UNC5D: variants seen among roughly 807,000 people sequenced by gnomAD.
The protein encoded by UNC5D is unc-5 netrin receptor D.
Under a neutral mutation model 105.4 loss-of-function variants are expected in UNC5D, and 39 were observed. That is an observed-to-expected ratio of 0.37 (90% CI 0.29 to 0.48). The LOEUF is 0.48. Ranked by LOEUF, UNC5D falls within the 20% of genes least tolerant of loss-of-function variation. The pLI is 0.98. For synonymous variants in UNC5D, 452 were observed against 450.4 expected, an observed-to-expected ratio of 1.00 and a Z score of -0.04; for missense variants, 991 against 1,202.4, an observed-to-expected ratio of 0.82 and a Z score of 2.60.
intron 1 of UNC5D, among the ~76,000 whole-genome samples, chr8:35,472,045 G>A (rs1468186650): frequency 6.6e-6 from 1 of 152,180 alleles, no homozygotes; most frequent in African/African-American, 2.4e-5. Context: ...AGAACAAACT[G>A]AAAGGGACAC....
At chr8:35,539,911 T>C (rs1268821837) in intron 1 of UNC5D, among the ~76,000 whole-genome samples, 1 of 152,220 alleles carries the variant, frequency 6.6e-6, no homozygotes, top group Non-Finnish European at 1.5e-5. Flanking sequence ...ACTTGCTGTA[T>C]TAGTGTGCAG....
chr8:35,722,498 C>A, intron 9 of UNC5D, 103 bp downstream of exon 9: 1 of 1,405,576 alleles, frequency 7.1e-7, no homozygotes, highest in Non-Finnish European at 9.4e-7. Flanking sequence ...TAGCTCTTGG[C>A]ACTGGGAGCC....
chr8:35,299,043 A>G (rs558883086), intron 1 of UNC5D, among the ~76,000 whole-genome samples: 1 of 152,308 alleles, frequency 6.6e-6, no homozygotes, highest in East Asian at 1.9e-4. Context: ...GGAGTCAGAT[A>G]TGCCTGGTGC....
At chr8:35,746,715 G>A (rs1169156266) in intron 11 of UNC5D, among the ~76,000 whole-genome samples, 3 of 152,070 alleles carry the variant, frequency 2.0e-5, no homozygotes, top group South Asian at 4.1e-4. Context: ...ATTCCCATAT[G>A]TTTGAACAAT....
chr8:35,520,700 G>A (rs1231158561), intron 1 of UNC5D, among the ~76,000 whole-genome samples: 1 of 151,924 alleles, frequency 6.6e-6, no homozygotes, highest in Non-Finnish European at 1.5e-5. Context: ...ATAAAACCAT[G>A]AACATATAAA....
intron 16 of UNC5D, among the ~76,000 whole-genome samples, chr8:35,782,562 G>A (rs1253360485): frequency 6.8e-6 from 1 of 146,264 alleles, no homozygotes; most frequent in African/African-American, 2.6e-5. Context: ...GGAGTGCAAT[G>A]GCACCATCTA....
chr8:35,238,902 A>G (rs376197364), intron 1 of UNC5D, among the ~76,000 whole-genome samples: 21 of 152,252 alleles, frequency 1.4e-4, no homozygotes, highest in African/African-American at 4.6e-4. Flanking sequence ...AGTCATTTCT[A>G]CCTTAATGAA....
rs557366855 is a variant in UNC5D at position 35,596,448 on chromosome 8, A to G, written c.570+791A>G. On this transcript the variant is annotated intron_variant, in intron 4 of 16. Transcript: ENST00000404895. ...GCTTAATATAATGAAAAGTTTATAA[A>G]TTTAGGCCCGTGAAGCCCGAAAATT... Among the ~76,000 whole-genome samples the G allele has an allele frequency of 4.3e-4, 66 of 152,304 alleles. 1 individual carries two copies. The highest frequency in any genetic ancestry group is 1.4e-3 in the African/African-American group (57 of 41,570).
At position 35,735,681 on chromosome 8, in the gene UNC5D, A is replaced by C. The variant is rs530594634; in HGVS notation, c.1766+4585A>C. ...CAAAAAGAATCTAGCTCTGGAAAAT[A>C]GAGAAGAAAGGATAGAATTTCATTC... On this transcript the variant is annotated intron_variant, in intron 11 of 16. Transcript: ENST00000404895. 2.6e-5 allele frequency among the ~76,000 whole-genome samples: 4 copies of C among 152,380 alleles called. No homozygotes were observed. The East Asian group carries it at 7.7e-4, about 29-fold the overall frequency.
chr8:35,571,399 CAAGT>C (rs1189935935), intron 3 of UNC5D, among the ~76,000 whole-genome samples: 2 of 152,124 alleles, frequency 1.3e-5, no homozygotes, highest in Non-Finnish European at 2.9e-5. Flanking sequence ...TCTCATGTAG[CAAGT>C]GAGAGGTTTT....
intron 1 of UNC5D, among the ~76,000 whole-genome samples, chr8:35,319,951 C>A (rs1408019742): frequency 1.3e-5 from 2 of 152,040 alleles, no homozygotes; most frequent in Non-Finnish European, 2.9e-5. Flanking sequence ...CATGTAGTCT[C>A]TAGACTCACT....
intron 1 of UNC5D, among the ~76,000 whole-genome samples, chr8:35,374,436 A>G (rs1030502554): frequency 6.6e-6 from 1 of 152,206 alleles, no homozygotes; most frequent in Non-Finnish European, 1.5e-5. Context: ...GAGCTACAAG[A>G]AGGTAACAAT....
intron 1 of UNC5D, among the ~76,000 whole-genome samples, chr8:35,489,176 T>G (rs7833916): frequency 0.079 from 12,073 of 151,920 alleles, 501 homozygotes; most frequent in Non-Finnish European, 0.087. Flanking sequence ...CCCGGCTAAT[T>G]GTTGTATTTT....
intron 16 of UNC5D, among the ~76,000 whole-genome samples, chr8:35,788,510 A>G (rs889178308): frequency 6.6e-6 from 1 of 152,160 alleles, no homozygotes; most frequent in African/African-American, 2.4e-5. Context: ...AAAGCTTACC[A>G]TGCTTTTACT....
At chr8:35,495,813 A>G (rs894841085) in intron 1 of UNC5D, among the ~76,000 whole-genome samples, 24 of 152,166 alleles carry the variant, frequency 1.6e-4, no homozygotes, top group African/African-American at 4.3e-4. Context: ...GAAAGAAGAG[A>G]TTTCTTATTA....
At chr8:35,566,896 T>C (rs1481562502) in intron 2 of UNC5D, among the ~76,000 whole-genome samples, 1 of 152,134 alleles carries the variant, frequency 6.6e-6, no homozygotes, top group Non-Finnish European at 1.5e-5. Context: ...CTTCCCTGTT[T>C]GTGATGAGTT....
rs779076665 is a variant in UNC5D at position 35,410,317 on chromosome 8, G to GA, written c.104-138969dup. 1.1e-3 allele frequency among the ~76,000 whole-genome samples: 164 copies of GA among 151,954 alleles called. 1 individual carries two copies. The highest frequency in any genetic ancestry group is 1.3e-4 in the Non-Finnish European group (9 of 67,892). Reference sequence around the variant, plus strand: ...AATGTACACATTACCTTAAAAAAAAGAAAAAACAAGTCTCTATGGGATTTG... The same window carrying GA: ...AATGTACACATTACCTTAAAAAAAAGAAAAAAACAAGTCTCTATGGGATTTG... On this transcript the variant is annotated intron_variant, in intron 1 of 16. Coordinates refer to ENST00000404895, the MANE Select transcript of UNC5D (RefSeq NM_080872.4).
At position 35,360,638 on chromosome 8, in the gene UNC5D, A is replaced by G. The variant is rs532715030; in HGVS notation, c.103+124751A>G. On this transcript the variant is annotated intron_variant, in intron 1 of 16. Coordinates refer to ENST00000404895, the MANE Select transcript of UNC5D (RefSeq NM_080872.4). ...TTCTGTGTGTCCACATTTCAACTAC[A>G]GCTGTGTTGTAAGTCAAGTATGTGC... 3.0e-3 allele frequency among the ~76,000 whole-genome samples: 456 copies of G among 152,270 alleles called. 1 individual carries two copies. The highest frequency in any genetic ancestry group is 0.011 in the African/African-American group (450 of 41,566).
intron 1 of UNC5D, among the ~76,000 whole-genome samples, chr8:35,401,784 G>C (rs1804482765): frequency 6.6e-6 from 1 of 152,118 alleles, no homozygotes. Context: ...ATGTGTACGG[G>C]TTCTCTAGAA....
Sources: allele counts gnomAD v4.1 joint callset (sites outside exome capture counted in the v4.1 genomes callset), GRCh38; gene constraint gnomAD v4.1.1; transcripts MANE v1.5; gene names NCBI Gene and HGNC (gene_info 2026-07-23, HGNC 2026-07-21).